RTL9: variants seen among roughly 807,000 people sequenced by gnomAD.
RTL9 encodes the protein retrotransposon Gag like 9.
Under a neutral mutation model 44.7 loss-of-function variants are expected in RTL9, and 19 were observed. The observed-to-expected ratio is 0.42, with a 90% CI of 0.30 to 0.62. The LOEUF (loss-of-function observed/expected upper bound fraction) is 0.62. Among genes scored for constraint, RTL9 ranks in the 20% least tolerant of loss-of-function variants. RTL9 has a pLI of 0.16. For synonymous variants in RTL9, 407 were observed against 398.9 expected (o/e 1.02, Z -0.24); for missense variants, 1,105 against 1,080.6 (o/e 1.02, Z -0.32).
At chrX:110,440,415 C>T (rs1056477978) in intron 1 of RTL9, among the ~76,000 whole-genome samples, 4 of 111,950 alleles carry the variant, frequency 3.6e-5, no homozygotes, top group African/African-American at 1.3e-4. Context: ...ATCTGGGTCG[C>T]TGTGGGTGTG....
chrX:110,406,556 G>A (rs1394338799), intron 1 of RTL9, among the ~76,000 whole-genome samples: 1 of 111,809 alleles, frequency 8.9e-6, no homozygotes, highest in Non-Finnish European at 1.9e-5. Flanking sequence ...GAATAGTGCC[G>A]CAATAAACAT....
At chrX:110,374,141 T>C (rs1369809593) in intron 1 of RTL9, among the ~76,000 whole-genome samples, 1 of 112,000 alleles carries the variant, frequency 8.9e-6, no homozygotes, top group Non-Finnish European at 1.9e-5. Context: ...ACATGAGTCC[T>C]GAGATTAAAA....
rs150376170 is a variant in RTL9 at position 110,454,158 on chromosome X, G to A, written c.3541G>A (p.Asp1181Asn). 58 of 1,210,482 alleles carry A rather than the reference G, an allele frequency of 4.8e-5. No individual in the cohort carries two copies. In the African/African-American group the frequency reaches 9.8e-4, roughly 20 times the overall value. The change falls in exon 1 of 2, where the codon GAC (aspartate) becomes AAC (asparagine). Residue 1181 changes from aspartate to asparagine, a missense_variant. Coordinates refer to ENST00000540313, the Ensembl canonical transcript of RTL9. ...GGAGAAGCAAATGAAGGGGTTTTTG[G>A]ACGATTCAGAGAGAATGGCATTTCT...
intron 1 of RTL9, among the ~76,000 whole-genome samples, chrX:110,440,625 G>A (rs998217686): frequency 1.8e-5 from 2 of 112,127 alleles, no homozygotes; most frequent in Admixed American, 9.4e-5. Context: ...TCTCTGATGC[G>A]CTAACAATAT....
intron 1 of RTL9, among the ~76,000 whole-genome samples, chrX:110,442,247 C>CTCTGTG (rs1556214261): frequency 1.3e-4 from 13 of 97,043 alleles, no homozygotes; most frequent in East Asian, 9.8e-4. Flanking sequence ...CTCTCTCTCT[C>CTCTGTG]TGTGTGTGTG....
At chrX:110,416,422 C>T (rs151193292), upstream of RTL9, among the ~76,000 whole-genome samples, 21 of 112,060 alleles carry the variant, frequency 1.9e-4, no homozygotes, top group East Asian at 5.3e-3. Flanking sequence ...TCATAGACAA[C>T]CCTGTGAGGA....
At chrX:110,382,195 G>A (rs2068424851) in intron 1 of RTL9, among the ~76,000 whole-genome samples, 1 of 110,763 alleles carries the variant, frequency 9.0e-6, no homozygotes, top group Non-Finnish European at 1.9e-5. Flanking sequence ...AGGCCATGTG[G>A]AAAAAAACAG....
intron 1 of RTL9, among the ~76,000 whole-genome samples, chrX:110,371,679 T>C (rs1191278200): frequency 2.7e-5 from 3 of 111,244 alleles, no homozygotes; most frequent in Admixed American, 1.9e-4. Context: ...TTCTCCTGGC[T>C]CCCTCTTTAT....
At chrX:110,432,594 T>G (rs1281292463) in intron 1 of RTL9, among the ~76,000 whole-genome samples, 1 of 112,240 alleles carries the variant, frequency 8.9e-6, no homozygotes, top group African/African-American at 3.2e-5. Context: ...TTCACTGTAT[T>G]GTGTGCTGGC....
intron 1 of RTL9, among the ~76,000 whole-genome samples, chrX:110,444,202 A>G (rs2068896934): frequency 8.9e-6 from 1 of 112,878 alleles, no homozygotes; most frequent in Admixed American, 9.3e-5. Context: ...GTCAAATGTG[A>G]TGGCCAAGTC....
At chrX:110,438,163 C>T (rs775166326) in intron 1 of RTL9, among the ~76,000 whole-genome samples, 3 of 111,488 alleles carry the variant, frequency 2.7e-5, no homozygotes, top group African/African-American at 9.8e-5. Context: ...TCATGTTCCT[C>T]CTCTCTCTTT....
chrX:110,359,626 C>T (rs992889702), intron 1 of RTL9, among the ~76,000 whole-genome samples: 1 of 111,457 alleles, frequency 9.0e-6, no homozygotes, highest in Non-Finnish European at 1.9e-5. Flanking sequence ...ACTATCTATT[C>T]ATTAATTAAT....
intron 1 of RTL9, among the ~76,000 whole-genome samples, chrX:110,371,539 C>G (rs759953200): frequency 9.0e-6 from 1 of 111,653 alleles, no homozygotes; most frequent in East Asian, 2.8e-4. Flanking sequence ...CCCAGCCCCC[C>G]ACTACCTTCC....
At chrX:110,446,960 T>C (rs757493215), upstream of RTL9, among the ~76,000 whole-genome samples, 4 of 110,759 alleles carry the variant, frequency 3.6e-5, no homozygotes, top group South Asian at 1.5e-3. Context: ...ACCTACCTCG[T>C]AGTATGTTGT....
exon 1 of RTL9, chrX:110,452,890 C>T: frequency 8.3e-7 from 1 of 1,211,537 alleles, no homozygotes. Context: ...TCCACACCAA[C>T]AGTGAGAGCC....
At position 110,452,430 on chromosome X, in the gene RTL9, C is replaced by T; in HGVS notation, c.1813C>T (p.Gln605Ter). Reference sequence around the variant, plus strand: ...AGCCTCAGGAGTGATGTCCTGTCCACAAATGAGATCTCTGGCCTCTGGAGC... The same window carrying T: ...AGCCTCAGGAGTGATGTCCTGTCCATAAATGAGATCTCTGGCCTCTGGAGC... Residue 605 changes from glutamine to a stop codon, truncating the protein, a stop_gained, in exon 1 of 2, where the codon CAA becomes TAA. Transcript: ENST00000540313. LOFTEE classifies it high-confidence loss of function. The T allele has an allele frequency of 8.3e-7, 1 of 1,211,808 alleles. No homozygotes were observed. The highest frequency in any genetic ancestry group is 1.1e-6 in the Non-Finnish European group (1 of 895,509).
intron 1 of RTL9, among the ~76,000 whole-genome samples, chrX:110,435,252 C>T (rs1233873194): frequency 9.0e-6 from 1 of 111,536 alleles, no homozygotes. Flanking sequence ...AGGACAGTCA[C>T]TTCAGCTCTG....
At chrX:110,451,086 G>A (rs1376504873) in exon 1 of RTL9, 1 of 1,212,036 alleles carries the variant, frequency 8.3e-7, no homozygotes, top group Non-Finnish European at 1.1e-6. Flanking sequence ...AACGCTAATG[G>A]TAGCACCAGA....
At chrX:110,377,403 C>G (rs2068384640) in intron 1 of RTL9, among the ~76,000 whole-genome samples, 2 of 111,748 alleles carry the variant, frequency 1.8e-5, no homozygotes, top group South Asian at 7.6e-4. Context: ...GTCCCTTATG[C>G]AACATAGAAG....
Sources: gnomAD v4.1 joint callset for allele counts (sites outside exome capture counted in the v4.1 genomes callset) on GRCh38, gnomAD v4.1.1 for gene constraint, MANE v1.5 for transcripts, NCBI Gene and HGNC (gene_info 2026-07-23, HGNC 2026-07-21) for gene names.